The following PDE4D variants were observed in gnomAD, a reference collection of about 807,000 sequenced individuals.
The protein encoded by PDE4D is 3',5'-cyclic-AMP phosphodiesterase 4D.
In PDE4D, 24 loss-of-function variants were observed where a neutral mutation model predicts 87.4. The ratio of observed to expected loss-of-function variants is 0.27; its 90% CI spans 0.20 to 0.39. The LOEUF is 0.39. Ranked by LOEUF, PDE4D falls within the 10% of genes least tolerant of loss-of-function variation. The pLI, the probability that PDE4D is intolerant of heterozygous loss-of-function variation, is 1.00. For missense variants in PDE4D, 714 were observed against 1,041.0 expected, an observed-to-expected ratio of 0.69 and a Z score of 4.32; for synonymous variants, 384 against 383.2, an observed-to-expected ratio of 1.00 and a Z score of -0.02.
At chr5:59,595,666 A>G (rs1340110339) in intron 1 of PDE4D, among the ~76,000 whole-genome samples, 1 of 152,202 alleles carries the variant, frequency 6.6e-6, no homozygotes, top group Non-Finnish European at 1.5e-5. Context: ...GATGGGGCTT[A>G]CAAAAGTTAT....
At chr5:60,190,034 A>C (rs1785081503) in intron 1 of PDE4D, among the ~76,000 whole-genome samples, 5 of 152,264 alleles carry the variant, frequency 3.3e-5, no homozygotes, top group Admixed American at 3.3e-4. Context: ...TAAATGAAGA[A>C]TGAATACATG....
At chr5:60,138,260 T>A (rs1048723336) in intron 2 of PDE4D, among the ~76,000 whole-genome samples, 5 of 151,966 alleles carry the variant, frequency 3.3e-5, no homozygotes, top group African/African-American at 1.2e-4. Context: ...GCATTTCTTT[T>A]AACTTTAAAT....
At chr5:59,525,803 T>C (rs1582983798) in intron 1 of PDE4D, among the ~76,000 whole-genome samples, 1 of 152,284 alleles carries the variant, frequency 6.6e-6, no homozygotes, top group East Asian at 1.9e-4. Flanking sequence ...GATAGTTCTA[T>C]AAGGGGCTTT....
chr5:59,071,095 T>A (rs1021768845), intron 5 of PDE4D, among the ~76,000 whole-genome samples: 4 of 152,216 alleles, frequency 2.6e-5, no homozygotes, highest in African/African-American at 9.6e-5. Context: ...GAGTATAGAA[T>A]TCTTGGTTGA....
chr5:59,116,795 C>T (rs866340229), intron 5 of PDE4D, among the ~76,000 whole-genome samples: 7 of 151,946 alleles, frequency 4.6e-5, no homozygotes, highest in African/African-American at 1.2e-4. Context: ...AAGTGGACTG[C>T]GAAAGGACAG....
chr5:59,439,285 G>A (rs1438809955), intron 1 of PDE4D, among the ~76,000 whole-genome samples: 1 of 151,364 alleles, frequency 6.6e-6, no homozygotes. Context: ...CTTGAACCCT[G>A]GGAGCCAGAG....
chr5:59,158,660 A>G (rs892523588), intron 5 of PDE4D, among the ~76,000 whole-genome samples: 1 of 152,246 alleles, frequency 6.6e-6, no homozygotes, highest in African/African-American at 2.4e-5. Flanking sequence ...TTTTATAATA[A>G]TAAAATATTA....
At chr5:60,341,364 G>C (rs182244873) in intron 1 of PDE4D, among the ~76,000 whole-genome samples, 1 of 152,082 alleles carries the variant, frequency 6.6e-6, no homozygotes, top group African/African-American at 2.4e-5. Context: ...TCCATGCCAC[G>C]GTGACTGTGA....
At chr5:60,474,249 T>C (rs903517489) in intron 1 of PDE4D, among the ~76,000 whole-genome samples, 1 of 150,496 alleles carries the variant, frequency 6.6e-6, no homozygotes, top group Non-Finnish European at 1.5e-5. Context: ...GCAGATTAAA[T>C]GTCTGGTGAG....
At chr5:59,214,140 A>G (rs910374409) in intron 2 of PDE4D, among the ~76,000 whole-genome samples, 2 of 151,390 alleles carry the variant, frequency 1.3e-5, no homozygotes, top group African/African-American at 4.9e-5. Context: ...CACTCCCTTG[A>G]CTTAGGTCTT....
chr5:59,208,644 A>G (rs1749379177), intron 2 of PDE4D, among the ~76,000 whole-genome samples: 1 of 152,224 alleles, frequency 6.6e-6, no homozygotes, highest in Non-Finnish European at 1.5e-5. Flanking sequence ...AAAGTATGAG[A>G]TTAGGAATAT....
At chr5:59,505,449 G>A (rs1304248176) in intron 1 of PDE4D, among the ~76,000 whole-genome samples, 1 of 152,148 alleles carries the variant, frequency 6.6e-6, no homozygotes, top group African/African-American at 2.4e-5. Flanking sequence ...CAAGATGAAT[G>A]TTAAGGAAAT....
intron 1 of PDE4D, among the ~76,000 whole-genome samples, chr5:60,472,735 C>A (rs1265149409): frequency 6.6e-6 from 1 of 152,142 alleles, no homozygotes; most frequent in Non-Finnish European, 1.5e-5. Flanking sequence ...GATTTTTCAA[C>A]TTTGTGATGC....
chr5:59,690,334 G>T (rs980866898), intron 1 of PDE4D, among the ~76,000 whole-genome samples: 11 of 152,188 alleles, frequency 7.2e-5, no homozygotes, highest in African/African-American at 2.4e-4. Context: ...CAAGGCTACA[G>T]TAACCAAAAC....
At chr5:60,344,276 T>G (rs967196206) in intron 1 of PDE4D, among the ~76,000 whole-genome samples, 1 of 152,168 alleles carries the variant, frequency 6.6e-6, no homozygotes, top group Non-Finnish European at 1.5e-5. Context: ...GGGTTTTGTA[T>G]GGACTGTGAG....
intron 1 of PDE4D, among the ~76,000 whole-genome samples, chr5:60,477,955 T>C (rs971625171): frequency 6.6e-6 from 1 of 152,186 alleles, no homozygotes; most frequent in Non-Finnish European, 1.5e-5. Context: ...AGCCAACTGG[T>C]AGACTCATGA....
chr5:59,342,811 T>C (rs1582064347), intron 1 of PDE4D, among the ~76,000 whole-genome samples: 1 of 152,116 alleles, frequency 6.6e-6, no homozygotes. Context: ...TTTAAAAATA[T>C]TTAACTGACA....
intron 1 of PDE4D, among the ~76,000 whole-genome samples, chr5:60,476,310 T>G (rs1236940010): frequency 6.6e-6 from 1 of 152,204 alleles, no homozygotes; most frequent in Admixed American, 6.5e-5. Flanking sequence ...AGGCTCGACT[T>G]GGCAGAACTG....
At chr5:59,013,511 T>TATATA (rs142355159) in intron 6 of PDE4D, among the ~76,000 whole-genome samples, 30,920 of 150,526 alleles carry the variant, frequency 0.21, 3,562 homozygotes, top group East Asian at 0.54. Flanking sequence ...CATCAGAGAA[T>TATATA]AACACCTCTA....
Sources: gnomAD v4.1 joint callset for allele counts (sites outside exome capture counted in the v4.1 genomes callset) on GRCh38, gnomAD v4.1.1 for gene constraint, MANE v1.5 for transcripts, NCBI Gene and HGNC (gene_info 2026-07-23, HGNC 2026-07-21) for gene names.